Variants in HELZ observed in about 807,000 individuals in gnomAD.
HELZ encodes helicase with zinc finger.
In HELZ, 23 loss-of-function variants were observed where a neutral mutation model predicts 218.2. That is an observed-to-expected ratio of 0.11 (90% CI 0.08 to 0.15). The LOEUF (loss-of-function observed/expected upper bound fraction) is 0.15, where lower values mean the gene tolerates loss of function less well. Ranked by LOEUF, HELZ falls within the 10% of genes least tolerant of loss-of-function variation. The pLI is 1.00. For synonymous variants in HELZ, 814 were observed against 829.4 expected (o/e 0.98, Z 0.32); for missense variants, 1,813 against 2,353.7 (o/e 0.77, Z 4.75).
chr17:67,165,354 C>T (rs911148001), intron 15 of HELZ, among the ~76,000 whole-genome samples: 8 of 152,240 alleles, frequency 5.3e-5, no homozygotes, highest in African/African-American at 1.9e-4. Context: ...ATATACCACT[C>T]CTAGGCCTGG....
At chr17:67,125,836 C>A (rs1327657444) in intron 24 of HELZ, among the ~76,000 whole-genome samples, 4 of 152,140 alleles carry the variant, frequency 2.6e-5, no homozygotes, top group African/African-American at 9.7e-5. Flanking sequence ...AGAGAAATTT[C>A]TCTGGCTGGA....
chr17:67,215,435 G>A (rs1598437207), intron 5 of HELZ, among the ~76,000 whole-genome samples: 1 of 148,714 alleles, frequency 6.7e-6, no homozygotes, highest in African/African-American at 2.5e-5. Context: ...TGCAACCTCC[G>A]CCTCCCGGGT....
intron 9 of HELZ, among the ~76,000 whole-genome samples, chr17:67,191,564 G>A (rs1054583448): frequency 3.9e-5 from 6 of 151,978 alleles, no homozygotes; most frequent in African/African-American, 1.2e-4. Context: ...GGATGCTCCT[G>A]CCTCAGCCTT....
intron 5 of HELZ, among the ~76,000 whole-genome samples, chr17:67,214,647 T>C (rs1033954050): frequency 4.0e-5 from 6 of 151,886 alleles, no homozygotes; most frequent in African/African-American, 1.5e-4. Context: ...TCAGCACCAC[T>C]ACCCCCAAAT....
Position 67,108,413 on chromosome 17 carries a change from A to C in HELZ, c.4724+79T>G, listed in dbSNP as rs2037172996. 1 of 1,045,342 alleles carries C rather than the reference A, an allele frequency of 9.6e-7. No homozygotes were observed. Among genetic ancestry groups the C allele is most frequent in the Admixed American group, 1.9e-5 (1 of 52,600 alleles). The allele number at this position is 1,045,342 out of a possible 1,614,324, so 64.8% of individuals were successfully genotyped here. On this transcript the variant is annotated intron_variant, in intron 30 of 32. Transcript: ENST00000358691. This position sits in a 1 kb window ranked among gnomAD's most constrained non-coding sequence, Gnocchi z 4.1. ...TTCTCTGAGGCAATATTCCAGCTTG[A>C]AGCTAAAAGGACTACAGTCAAAAAA...
chr17:67,118,797 T>C (rs2037509040), intron 27 of HELZ, among the ~76,000 whole-genome samples: 1 of 151,510 alleles, frequency 6.6e-6, no homozygotes, highest in South Asian at 2.1e-4. Flanking sequence ...AAAGAACTCT[T>C]ATAACTGAAG....
At chr17:67,198,374 T>C (rs555997500) in intron 7 of HELZ, among the ~76,000 whole-genome samples, 3 of 152,320 alleles carry the variant, frequency 2.0e-5, no homozygotes, top group East Asian at 3.9e-4. Context: ...GAGCAGCACA[T>C]GCTCAGCAGA....
chr17:67,104,811 A>G (rs1365903047), intron 31 of HELZ, among the ~76,000 whole-genome samples: 1 of 152,230 alleles, frequency 6.6e-6, no homozygotes, highest in Non-Finnish European at 1.5e-5. Context: ...ATCAGTAAAT[A>G]GGGAAATGCA....
intron 9 of HELZ, 150 bp from the exon 10 acceptor site, chr17:67,190,505 G>A (rs544971603): frequency 1.9e-5 from 12 of 629,718 alleles, no homozygotes; most frequent in South Asian, 6.0e-5. Context: ...ACAAAGGAGG[G>A]AGAAGAGGTT....
chr17:67,184,383 T>C (rs545731031), intron 12 of HELZ, among the ~76,000 whole-genome samples: 4 of 152,324 alleles, frequency 2.6e-5, no homozygotes, highest in African/African-American at 9.6e-5. Context: ...TATAAACTTA[T>C]GCAAGAGAAA....
rs558996975 is a variant in HELZ, at chr17:67,094,333, A to G, written c.5242-7252T>C. Among the ~76,000 whole-genome samples the G allele has an allele frequency of 7.5e-5, 11 of 146,628 alleles. No homozygotes were observed. In the South Asian group the frequency reaches 8.5e-4, roughly 11 times the overall value. On this transcript the variant is annotated intron_variant, in intron 31 of 32. Coordinates refer to ENST00000358691, the MANE Select transcript of HELZ (RefSeq NM_014877.4). ...GGAGACCTGGTCTTGAAAAAAAAAA[A>G]AGAGAGAGAGAGAGAGAGAGATACA...
intron 31 of HELZ, among the ~76,000 whole-genome samples, chr17:67,105,056 C>CT: frequency 6.6e-6 from 1 of 152,310 alleles, no homozygotes; most frequent in East Asian, 1.9e-4. Flanking sequence ...TTGCTTGAAC[C>CT]TAGAAGGCAG....
upstream of HELZ, chr17:67,245,327 C>T: frequency 1.3e-6 from 1 of 754,140 alleles, no homozygotes; most frequent in African/African-American, 1.9e-5. Flanking sequence ...GACTGCCGAC[C>T]CCGGCGCCCG....
At chr17:67,235,971 A>G (rs377159703) in intron 3 of HELZ, among the ~76,000 whole-genome samples, 1 of 152,044 alleles carries the variant, frequency 6.6e-6, no homozygotes, top group Non-Finnish European at 1.5e-5. Flanking sequence ...CGTGTTAGCC[A>G]GGATGGTCTC....
At chr17:67,167,890 C>A (rs1281048556) in intron 13 of HELZ, 94 bp from the exon 14 acceptor site, 3 of 841,024 alleles carry the variant, frequency 3.6e-6, no homozygotes, top group African/African-American at 3.5e-5. Context: ...TATAAACATA[C>A]CAAAAATTAA....
intron 20 of HELZ, among the ~76,000 whole-genome samples, chr17:67,147,462 C>T (rs1176191027): frequency 6.6e-6 from 1 of 152,080 alleles, no homozygotes; most frequent in African/African-American, 2.4e-5. Context: ...GGACTCTAAT[C>T]TTCCCCTGCC....
intron 9 of HELZ, among the ~76,000 whole-genome samples, chr17:67,191,088 T>C (rs1456014916): frequency 6.8e-6 from 1 of 146,908 alleles, no homozygotes; most frequent in Non-Finnish European, 1.5e-5. Flanking sequence ...CCCAAAATGA[T>C]AAGGACCTTA....
rs2035875027 is a variant in HELZ, at chr17:67,071,093, A to G, written c.*7159T>C. On this transcript the variant is annotated 3_prime_UTR_variant, in exon 33 of 33. Coordinates refer to ENST00000358691, the MANE Select transcript of HELZ (RefSeq NM_014877.4). ...TTTAATCACCATATTTACCTAGGAT[A>G]CAACTACTACATATAGCCAGTACCT... 6.6e-6 allele frequency: 1 copy of G among 152,386 alleles called. No homozygotes were observed. 9.4% of individuals were successfully genotyped at this position (152,386 alleles called of 1,614,324 possible). A position where few individuals can be genotyped will look rare whatever the true frequency, so the allele number is the denominator to read the frequency against.
At chr17:67,195,548 T>G in intron 7 of HELZ, 78 bp from the exon 8 acceptor site, 1 of 811,334 alleles carries the variant, frequency 1.2e-6, no homozygotes, top group Non-Finnish European at 2.1e-6. Context: ...TTTTCAATAT[T>G]AAAACAAAGG....
Sources: gnomAD v4.1 joint callset for allele counts (sites outside exome capture counted in the v4.1 genomes callset) on GRCh38, gnomAD v4.1.1 for gene constraint, Gnocchi (gnomAD v3.1) non-coding constraint, MANE v1.5 for transcripts, NCBI Gene and HGNC (gene_info 2026-07-23, HGNC 2026-07-21) for gene names.